ZNF704: variants seen among roughly 807,000 people sequenced by gnomAD.
ZNF704 encodes the protein zinc finger protein 704.
A neutral mutation model predicts 44.7 loss-of-function variants in ZNF704; 10 were observed. The ratio of observed to expected loss-of-function variants is 0.22; its 90% CI spans 0.14 to 0.38. The LOEUF is 0.38. Among genes scored for constraint, ZNF704 ranks in the 10% least tolerant of loss-of-function variants. The probability of loss-of-function intolerance (pLI) is 1.00; values close to 1 mark genes in which losing one functional copy is unlikely to be tolerated. For missense variants in ZNF704, 390 were observed against 545.5 expected, an observed-to-expected ratio of 0.71 and a Z score of 2.84; for synonymous variants, 211 against 207.6, an observed-to-expected ratio of 1.02 and a Z score of -0.14.
chr8:80,716,728 T>G (rs2131665436), intron 2 of ZNF704, among the ~76,000 whole-genome samples: 1 of 152,332 alleles, frequency 6.6e-6, no homozygotes, highest in South Asian at 2.1e-4. Context: ...TGGTCTCTGT[T>G]CTCTATCTTT....
chr8:80,670,607 T>C lies in ZNF704; in HGVS notation c.559-4A>G. On this transcript the variant is annotated splice_region_variant and splice_polypyrimidine_tract_variant and intron_variant, in intron 4 of 8. Coordinates refer to ENST00000327835, the MANE Select transcript of ZNF704 (RefSeq NM_001033723.3). ...TGAACATCACCTTCATGGAATTCTG[T>C]AAAGGGGAGAGAGTGATATTAGAAT... 1 of 1,592,646 alleles carries C rather than the reference T, an allele frequency of 6.3e-7. No homozygotes were observed. Among genetic ancestry groups the C allele is most frequent in the Non-Finnish European group, 8.6e-7 (1 of 1,160,580 alleles).
At chr8:80,762,051 C>G (rs752590516) in intron 2 of ZNF704, among the ~76,000 whole-genome samples, 1 of 152,106 alleles carries the variant, frequency 6.6e-6, no homozygotes, top group Non-Finnish European at 1.5e-5. Context: ...TCTACATATG[C>G]GCACAATGCT....
intron 6 of ZNF704, among the ~76,000 whole-genome samples, chr8:80,661,142 T>A (rs146282298): frequency 6.4e-4 from 98 of 152,086 alleles, no homozygotes; most frequent in Non-Finnish European, 1.2e-3. Context: ...AGGACCTGAA[T>A]AAAAATTTTT....
chr8:80,667,905 A>C (rs796094155), intron 5 of ZNF704, among the ~76,000 whole-genome samples: 33 of 152,330 alleles, frequency 2.2e-4, no homozygotes, highest in African/African-American at 7.9e-4. Context: ...GTGATGATTA[A>C]GCTAATAAAT....
chr8:80,718,964 AT>A (rs11293329), intron 2 of ZNF704, among the ~76,000 whole-genome samples: 24,993 of 150,948 alleles, frequency 0.17, 4,095 homozygotes, highest in African/African-American at 0.43. Context: ...AGCACTCTAC[AT>A]TTTTTTTCTT....
intron 2 of ZNF704, among the ~76,000 whole-genome samples, chr8:80,711,458 T>C (rs917593784): frequency 6.6e-6 from 1 of 152,148 alleles, no homozygotes; most frequent in African/African-American, 2.4e-5. Context: ...TATAGATACA[T>C]GCAAAAAAAT....
intron 2 of ZNF704, among the ~76,000 whole-genome samples, chr8:80,801,123 C>T (rs1342512091): frequency 6.6e-6 from 1 of 152,116 alleles, no homozygotes; most frequent in African/African-American, 2.4e-5. Flanking sequence ...AGGTAACTAT[C>T]CTAAATATAT....
rs1410294224 is a variant in ZNF704 at position 80,635,058 on chromosome 8, A to G, written c.*6308T>C. On this transcript the variant is annotated 3_prime_UTR_variant, in exon 9 of 9. Coordinates refer to ENST00000327835, the MANE Select transcript of ZNF704 (RefSeq NM_001033723.3). ...GTCTGAGTGACCTTCTGACCACCTC[A>G]TAAGAGCTGCCCAACGGGTGTATGG... is the stretch of plus-strand genomic sequence containing the variant. 6.6e-6 allele frequency: 1 copy of G among 152,196 alleles called. No homozygotes were observed. The highest frequency in any genetic ancestry group is 1.5e-5 in the Non-Finnish European group (1 of 68,030). The allele number at this position is 152,196 out of a possible 1,614,324, so 9.4% of individuals were successfully genotyped here.
chr8:80,816,567 T>C (rs1017447792), intron 2 of ZNF704, among the ~76,000 whole-genome samples: 1 of 152,186 alleles, frequency 6.6e-6, no homozygotes, highest in Middle Eastern at 3.2e-3. Flanking sequence ...GAAACTAGTA[T>C]TTTCATCTCT....
chr8:80,832,140 A>G (rs114106556), intron 1 of ZNF704, among the ~76,000 whole-genome samples: 6 of 152,344 alleles, frequency 3.9e-5, no homozygotes, highest in African/African-American at 1.4e-4. Flanking sequence ...TTTTCATTCC[A>G]ATGAACAGCT....
At chr8:80,675,483 T>C (rs953077454) in intron 4 of ZNF704, among the ~76,000 whole-genome samples, 2 of 149,714 alleles carry the variant, frequency 1.3e-5, no homozygotes, top group African/African-American at 5.1e-5. Flanking sequence ...GTTTTTTTTT[T>C]TAATATTACT....
At chr8:80,659,493 G>T in intron 7 of ZNF704, 92 bp downstream of exon 7, 1 of 978,042 alleles carries the variant, frequency 1.0e-6, no homozygotes, top group Non-Finnish European at 1.6e-6. Context: ...TCTGATGTTT[G>T]TATTTTTCTT....
chr8:80,857,031 T>C (rs1228884431), intron 1 of ZNF704, among the ~76,000 whole-genome samples: 1 of 152,148 alleles, frequency 6.6e-6, no homozygotes, highest in Admixed American at 6.5e-5. Flanking sequence ...TCATCAATGT[T>C]TTACAGATTT....
At chr8:80,654,459 T>C (rs1205489725) in intron 7 of ZNF704, among the ~76,000 whole-genome samples, 1 of 151,970 alleles carries the variant, frequency 6.6e-6, no homozygotes, top group Non-Finnish European at 1.5e-5. Flanking sequence ...AGGGCTAATA[T>C]CCAGAATCTA....
chr8:80,807,777 T>C (rs1808014654), intron 2 of ZNF704, among the ~76,000 whole-genome samples: 2 of 152,348 alleles, frequency 1.3e-5, no homozygotes, highest in African/African-American at 4.8e-5. Flanking sequence ...ACTGCAGTTA[T>C]AAAAGTATTA....
At chr8:80,693,643 G>A (rs1818677883) in intron 2 of ZNF704, among the ~76,000 whole-genome samples, 2 of 152,158 alleles carry the variant, frequency 1.3e-5, no homozygotes, top group African/African-American at 4.8e-5. Flanking sequence ...AGTCTGTCCT[G>A]AGGGGCAGGG....
At chr8:80,712,147 G>T (rs138580214) in intron 2 of ZNF704, among the ~76,000 whole-genome samples, 1 of 152,138 alleles carries the variant, frequency 6.6e-6, no homozygotes, top group Admixed American at 6.5e-5. Context: ...TGTGAGAGTG[G>T]GTTAGTTATC....
At chr8:80,667,975 T>C (rs1818221738) in intron 5 of ZNF704, among the ~76,000 whole-genome samples, 1 of 152,130 alleles carries the variant, frequency 6.6e-6, no homozygotes, top group African/African-American at 2.4e-5. Context: ...GCTTATTAAA[T>C]AAAAAGAAAG....
chr8:80,847,065 C>T (rs917287966), intron 1 of ZNF704, among the ~76,000 whole-genome samples: 2 of 152,016 alleles, frequency 1.3e-5, no homozygotes, highest in Non-Finnish European at 2.9e-5. Context: ...CCCAGCTACT[C>T]GGGTGGCTGA....
Sources: gnomAD v4.1 joint callset for allele counts (sites outside exome capture counted in the v4.1 genomes callset) on GRCh38, gnomAD v4.1.1 for gene constraint, MANE v1.5 for transcripts, NCBI Gene and HGNC (gene_info 2026-07-23, HGNC 2026-07-21) for gene names.